POGLUT2: variants seen among roughly 807,000 people sequenced by gnomAD.
POGLUT2 encodes ER protein 58.
Under a neutral mutation model 57.6 loss-of-function variants are expected in POGLUT2, and 47 were observed. The observed-to-expected ratio is 0.82, with a 90% CI of 0.65 to 1.04. The LOEUF (loss-of-function observed/expected upper bound fraction) is 1.04. Among genes scored for constraint, POGLUT2 ranks in the 50% least tolerant of loss-of-function variants. The pLI is 0.00. For missense variants in POGLUT2, 565 were observed against 614.8 expected, an observed-to-expected ratio of 0.92 and a Z score of 0.86; for synonymous variants, 200 against 218.8, an observed-to-expected ratio of 0.91 and a Z score of 0.76.
At chr13:102,789,914 C>T (rs1490433362) in intron 6 of POGLUT2, among the ~76,000 whole-genome samples, 1 of 152,162 alleles carries the variant, frequency 6.6e-6, no homozygotes, top group Non-Finnish European at 1.5e-5. Context: ...ATTTTTTAAA[C>T]ACCCAGACAT....
chr13:102,798,490 T>C lies in POGLUT2; in HGVS notation c.181A>G (p.Lys61Glu). 1 of 1,581,500 alleles carries C rather than the reference T, an allele frequency of 6.3e-7. No individual in the cohort carries two copies. Among genetic ancestry groups the C allele is most frequent in the Non-Finnish European group, 8.6e-7 (1 of 1,163,116 alleles). ...YIQAVDTSGN[K>E]FTSSPGEKVF... ...GTAAGGAGCCGTTTCTCGACTTACTTATTCCCTGATGTATCCACTGCCTGA... is the reference window on the plus strand; with the variant it reads ...GTAAGGAGCCGTTTCTCGACTTACTCATTCCCTGATGTATCCACTGCCTGA... Residue 61 changes from lysine (K) to glutamate (E), a missense_variant and splice_region_variant, in exon 1 of 10, where the codon AAA becomes GAA. Coordinates refer to ENST00000376004, the MANE Select transcript of POGLUT2 (RefSeq NM_024089.3).
chr13:102,788,054 T>C (rs1271834854), intron 7 of POGLUT2, 131 bp from the exon 8 acceptor site: 4 of 531,652 alleles, frequency 7.5e-6, no homozygotes, highest in Non-Finnish European at 1.4e-5. Context: ...GGTAGTCTCA[T>C]GGTAAAACAG....
In POGLUT2 at chr13:102,798,634, C is replaced by T; in HGVS notation, c.37G>A (p.Ala13Thr). ...GTLLLYCFFL[A>T]TVPALAETGG... ...GTCTCGGCGAGTGCTGGAACTGTCG[C>T]CAGAAAGAAGCAATAAAGTAGCAAA... The change falls in exon 1 of 10, where the codon GCG becomes ACG. Residue 13 changes from alanine (A) to threonine (T), a missense_variant. Transcript: ENST00000376004. 1 of 1,608,810 alleles carries T rather than the reference C, an allele frequency of 6.2e-7. No individual in the cohort carries two copies. The highest frequency in any genetic ancestry group is 8.5e-7 in the Non-Finnish European group (1 of 1,178,108).
At chr13:102,794,691 A>G (rs60612408) in intron 2 of POGLUT2, among the ~76,000 whole-genome samples, 1 of 152,060 alleles carries the variant, frequency 6.6e-6, no homozygotes, top group Non-Finnish European at 1.5e-5. Flanking sequence ...GACAACAGAT[A>G]CTTGGTTTAT....
At chr13:102,790,217 A>C (rs1878114226) in intron 6 of POGLUT2, among the ~76,000 whole-genome samples, 1 of 152,238 alleles carries the variant, frequency 6.6e-6, no homozygotes, top group Admixed American at 6.5e-5. Context: ...AAAACCCATC[A>C]AAAGAAAATT....
Position 102,796,907 on chromosome 13 carries a change from C to T in POGLUT2, c.285G>A (p.Gly95=), listed in dbSNP as rs1305854908. The change falls in exon 2 of 10, where the codon GGG becomes GGA. Residue 95 remains glycine, a synonymous_variant. Coordinates refer to ENST00000376004, the MANE Select transcript of POGLUT2 (RefSeq NM_024089.3). ...VGVQVLDRKD[G]SFIVRYRMYA... Reference sequence around the variant, plus strand: ...ACATTCTGTATCTTACTATGAAGGACCCATCTTTTCGGTCTAAAACCTGGA... The same window carrying T: ...ACATTCTGTATCTTACTATGAAGGATCCATCTTTTCGGTCTAAAACCTGGA... 1.9e-6 allele frequency: 3 copies of T among 1,610,792 alleles called. No individual in the cohort carries two copies. Among genetic ancestry groups the T allele is most frequent in the East Asian group, 2.2e-5 (1 of 44,848 alleles).
rs760529923 is a variant in POGLUT2, at chr13:102,789,016, T to G, written c.1289A>C (p.Glu430Ala). ...CTTCAAGGGGACTAACCTTACCTCTTCATCGTGATCTTTCGCCCATTTAAG... is the reference window on the plus strand; with the variant it reads ...CTTCAAGGGGACTAACCTTACCTCTGCATCGTGATCTTTCGCCCATTTAAG... Reference protein sequence around the residue: ...EKLKWAKDHDEEAKKIAKAGQ... With the variant: ...EKLKWAKDHDAEAKKIAKAGQ... The change falls in exon 7 of 10, where the codon GAA becomes GCA. Residue 430 changes from glutamate (E) to alanine (A), a missense_variant. By Grantham distance (107) the Glu-to-Ala change is moderately radical. Coordinates refer to ENST00000376004, the MANE Select transcript of POGLUT2 (RefSeq NM_024089.3). 28 of 1,613,102 alleles carry G rather than the reference T, an allele frequency of 1.7e-5. No individual in the cohort carries two copies. The Admixed American group carries it at 2.0e-4, about 12-fold the overall frequency.
At position 102,784,352 on chromosome 13, in the gene POGLUT2, G is replaced by C; in HGVS notation, c.*143C>G. On this transcript the variant is annotated 3_prime_UTR_variant, in exon 10 of 10. Transcript: ENST00000376004. ...TTTAAAGTACAGTCATGAGAATACT[G>C]CATAAGTAGAAATGTGTCTTCATAC... The C allele has an allele frequency of 1.7e-6, 1 of 600,950 alleles. No homozygotes were observed. The allele number at this position is 600,950 out of a possible 1,614,324, so 37.2% of individuals were successfully genotyped here. A position where few individuals can be genotyped will look rare whatever the true frequency, so the allele number is the denominator to read the frequency against.
intron 4 of POGLUT2, among the ~76,000 whole-genome samples, chr13:102,791,713 T>C (rs1170016719): frequency 6.6e-6 from 1 of 152,082 alleles, no homozygotes; most frequent in Non-Finnish European, 1.5e-5. Context: ...TATTGGAAAA[T>C]AATTTAAAAA....
At position 102,784,443 on chromosome 13, in the gene POGLUT2, G is replaced by A. The variant is rs947121270; in HGVS notation, c.*52C>T. On this transcript the variant is annotated 3_prime_UTR_variant, in exon 10 of 10. Transcript: ENST00000376004. The stretch of plus-strand genomic sequence containing the variant: ...ATACTTAAAAAAATTCTTCTTTTTA[G>A]TTAAGAAGAGTCTTCAGAGCACCAT... 7.1e-6 allele frequency: 8 copies of A among 1,130,340 alleles called. No homozygotes were observed. Among genetic ancestry groups the A allele is most frequent in the Non-Finnish European group, 1.1e-5 (8 of 760,298 alleles). The allele number at this position is 1,130,340 out of a possible 1,614,324, so 70.0% of individuals were successfully genotyped here.
rs1215672737 is a variant in POGLUT2, at chr13:102,791,946, A to G, written c.673-516T>C. Reference sequence around the variant, plus strand: ...TCTAGTCACAGAAAATGTTTAGAGTATTTACAAAACAACAGATATACATTT... The same window carrying G: ...TCTAGTCACAGAAAATGTTTAGAGTGTTTACAAAACAACAGATATACATTT... On this transcript the variant is annotated intron_variant, in intron 4 of 9. Transcript: ENST00000376004. 6.4e-6 allele frequency: 8 copies of G among 1,241,562 alleles called. No individual in the cohort carries two copies. In the African/African-American group the frequency reaches 1.1e-4, roughly 17 times the overall value. 76.9% of individuals were successfully genotyped at this position (1,241,562 alleles called of 1,614,324 possible).
intron 8 of POGLUT2, among the ~76,000 whole-genome samples, chr13:102,787,340 C>G (rs1007798061): frequency 2.6e-5 from 4 of 152,214 alleles, no homozygotes; most frequent in Non-Finnish European, 5.9e-5. Context: ...AGCCACCGCA[C>G]CCGGCCTACT....
intron 2 of POGLUT2, among the ~76,000 whole-genome samples, chr13:102,795,973 T>C (rs1005296037): frequency 1.3e-5 from 2 of 152,106 alleles, no homozygotes. Context: ...TGGCTCTAGG[T>C]AATAAAACTG....
intron 8 of POGLUT2, among the ~76,000 whole-genome samples, chr13:102,787,264 A>G (rs1325192658): frequency 6.6e-6 from 1 of 152,000 alleles, no homozygotes; most frequent in Non-Finnish European, 1.5e-5. Context: ...CCAGGCTGGT[A>G]TCAAACTCCT....
chr13:102,789,120 A>C lies in POGLUT2; in HGVS notation c.1185T>G (p.Tyr395Ter). ...SVVLKQDSIY[Y>*]EHFYNELQPW... ...GCTGCAGCTCATTGTAAAAATGTTC[A>C]TAGTAGATGGAATCCTGCTTCAGCA... Residue 395 changes from tyrosine (Y) to a stop codon, truncating the protein, a stop_gained, in exon 7 of 10, where the codon TAT becomes TAG. Transcript: ENST00000376004. LOFTEE classifies it high-confidence loss of function. 6.2e-7 allele frequency: 1 copy of C among 1,614,170 alleles called. No individual in the cohort carries two copies. Among genetic ancestry groups the C allele is most frequent in the Non-Finnish European group, 8.5e-7 (1 of 1,179,998 alleles).
Position 102,798,638 on chromosome 13 carries a change from A to G in POGLUT2, c.33T>C (p.Phe11=). 2 of 1,608,146 alleles carry G rather than the reference A, an allele frequency of 1.2e-6. No individual in the cohort carries two copies. Among genetic ancestry groups the G allele is most frequent in the Non-Finnish European group, 1.7e-6 (2 of 1,177,874 alleles). MFGTLLLYCF[F]LATVPALAET... is the part of the protein sequence containing the mutation. ...CGGCGAGTGCTGGAACTGTCGCCAG[A>G]AAGAAGCAATAAAGTAGCAAAGTGC... Residue 11 remains phenylalanine (F), a synonymous_variant, in exon 1 of 10, where the codon TTT becomes TTC. Transcript: ENST00000376004.
At chr13:102,786,506 C>A (rs1284223133) in intron 8 of POGLUT2, among the ~76,000 whole-genome samples, 167 bp from the exon 9 acceptor site, 1 of 152,160 alleles carries the variant, frequency 6.6e-6, no homozygotes, top group Non-Finnish European at 1.5e-5. Flanking sequence ...AGTAGAGCAT[C>A]TGAGAGGAGG....
chr13:102,795,834 T>C (rs1473345333), intron 2 of POGLUT2, among the ~76,000 whole-genome samples: 2 of 63,116 alleles, frequency 3.2e-5, no homozygotes, highest in Non-Finnish European at 5.9e-5. Context: ...CTCTGCAGAG[T>C]TCACAAAAAT....
chr13:102,793,288 G>A, intron 4 of POGLUT2, 53 bp downstream of exon 4: 1 of 991,304 alleles, frequency 1.0e-6, no homozygotes, highest in East Asian at 2.4e-5. Context: ...AAATTATCCT[G>A]TAAAATCTGG....
Sources: allele counts gnomAD v4.1 joint callset (sites outside exome capture counted in the v4.1 genomes callset), GRCh38; gene constraint gnomAD v4.1.1; transcripts MANE v1.5; gene names NCBI Gene and HGNC (gene_info 2026-07-23, HGNC 2026-07-21).